Variants in CDH10 observed in about 807,000 individuals in gnomAD.
The protein encoded by CDH10 is cadherin-10.
A neutral mutation model predicts 73.1 loss-of-function variants in CDH10; 30 were observed. The ratio of observed to expected loss-of-function variants is 0.41; its 90% CI spans 0.31 to 0.56. The LOEUF is 0.56. CDH10 is among the 20% of genes least tolerant of loss of function. The pLI is 0.27. For missense variants in CDH10, 815 were observed against 973.7 expected, an observed-to-expected ratio of 0.84 and a Z score of 2.17; for synonymous variants, 345 against 348.2, an observed-to-expected ratio of 0.99 and a Z score of 0.10.
chr5:24,550,117 A>T (rs1744491563), intron 2 of CDH10, among the ~76,000 whole-genome samples: 1 of 152,214 alleles, frequency 6.6e-6, no homozygotes, highest in South Asian at 2.1e-4. Flanking sequence ...CTGAATATAC[A>T]AAACAATAAT....
At chr5:24,490,392 G>A (rs1228220705) in intron 11 of CDH10, among the ~76,000 whole-genome samples, 1 of 151,010 alleles carries the variant, frequency 6.6e-6, no homozygotes, top group Non-Finnish European at 1.5e-5. Context: ...ACAGAGAAAA[G>A]TTTTGTTCTG....
At chr5:24,585,864 T>C (rs1745976290) in intron 2 of CDH10, among the ~76,000 whole-genome samples, 1 of 152,260 alleles carries the variant, frequency 6.6e-6, no homozygotes, top group African/African-American at 2.4e-5. Flanking sequence ...AGTCCTCTCA[T>C]GATTCACAGT....
At chr5:24,503,922 A>C (rs1742589325) in intron 8 of CDH10, among the ~76,000 whole-genome samples, 1 of 152,208 alleles carries the variant, frequency 6.6e-6, no homozygotes, top group Admixed American at 6.5e-5. Context: ...CTTGTTCATA[A>C]GATTAAATGG....
At chr5:24,590,389 A>T (rs1411801966) in intron 2 of CDH10, among the ~76,000 whole-genome samples, 2 of 151,336 alleles carry the variant, frequency 1.3e-5, no homozygotes, top group African/African-American at 4.8e-5. Context: ...GTATCTATAT[A>T]TAGTATATAT....
intron 11 of CDH10, among the ~76,000 whole-genome samples, chr5:24,489,636 T>C (rs1741977393): frequency 6.6e-6 from 1 of 152,112 alleles, no homozygotes; most frequent in African/African-American, 2.4e-5. Flanking sequence ...CCCTCTTTTT[T>C]GAATGTTTTT....
At chr5:24,569,752 T>C (rs187244706) in intron 2 of CDH10, among the ~76,000 whole-genome samples, 6 of 151,872 alleles carry the variant, frequency 4.0e-5, no homozygotes, top group African/African-American at 1.5e-4. Flanking sequence ...AATCTTTATG[T>C]GAACAAATGT....
intron 2 of CDH10, among the ~76,000 whole-genome samples, chr5:24,553,205 C>G (rs563206672): frequency 7.0e-6 from 1 of 142,556 alleles, no homozygotes; most frequent in African/African-American, 2.6e-5. Flanking sequence ...ATAAGAGCCA[C>G]GGATTTATTT....
chr5:24,583,335 T>C (rs574596939), intron 2 of CDH10, among the ~76,000 whole-genome samples: 164 of 152,116 alleles, frequency 1.1e-3, no homozygotes, highest in African/African-American at 3.6e-3. Flanking sequence ...TGGAAATATA[T>C]ATATTTTTAA....
At chr5:24,595,149 A>G (rs1226807318) in intron 1 of CDH10, among the ~76,000 whole-genome samples, 5 of 151,408 alleles carry the variant, frequency 3.3e-5, no homozygotes, top group African/African-American at 1.2e-4. Flanking sequence ...GTTTCCTAAT[A>G]TGTATGGATT....
Position 24,536,369 on chromosome 5 carries a change from C to T in CDH10, c.527-547G>A, listed in dbSNP as rs112657670. 3.4e-3 allele frequency among the ~76,000 whole-genome samples: 515 copies of T among 152,064 alleles called. 3 individuals are homozygous for T. The highest frequency in any genetic ancestry group is 0.012 in the African/African-American group (496 of 41,506). On this transcript the variant is annotated intron_variant, in intron 3 of 11. Transcript: ENST00000264463. ...AAAGGACTTTATAGTGAGATGACTGCCAGAAGTTCTTGGGATTTAATGAAG... is the reference window on the plus strand; with the variant it reads ...AAAGGACTTTATAGTGAGATGACTGTCAGAAGTTCTTGGGATTTAATGAAG...
chr5:24,581,562 C>G (rs78672304), intron 2 of CDH10, among the ~76,000 whole-genome samples: 7,071 of 152,218 alleles, frequency 0.046, 274 homozygotes, highest in African/African-American at 0.095. Flanking sequence ...TGGTTGCCTT[C>G]CATGCAGTGA....
At chr5:24,564,382 G>A (rs1191007709) in intron 2 of CDH10, among the ~76,000 whole-genome samples, 2 of 152,044 alleles carry the variant, frequency 1.3e-5, no homozygotes, top group Non-Finnish European at 2.9e-5. Context: ...CTTCTTACAG[G>A]GTCTACATGG....
At chr5:24,541,329 G>T (rs558446179) in intron 2 of CDH10, among the ~76,000 whole-genome samples, 2 of 151,846 alleles carry the variant, frequency 1.3e-5, no homozygotes, top group South Asian at 4.1e-4. Flanking sequence ...TTCAACAGTT[G>T]TTCTGGTATT....
chr5:24,558,553 T>A (rs558592615), intron 2 of CDH10, among the ~76,000 whole-genome samples: 1 of 151,838 alleles, frequency 6.6e-6, no homozygotes, highest in East Asian at 1.9e-4. Context: ...GGCCATACTT[T>A]ATATAGAATA....
chr5:24,550,892 G>A (rs1007550243), intron 2 of CDH10, among the ~76,000 whole-genome samples: 2 of 151,660 alleles, frequency 1.3e-5, no homozygotes, highest in Non-Finnish European at 2.9e-5. Context: ...AACACAAATC[G>A]TCCTAAGCCA....
At chr5:24,599,669 A>T (rs1309998549) in intron 1 of CDH10, among the ~76,000 whole-genome samples, 1 of 152,146 alleles carries the variant, frequency 6.6e-6, no homozygotes, top group African/African-American at 2.4e-5. Flanking sequence ...AAAAGCAATC[A>T]AAAGTATAAA....
Position 24,594,265 on chromosome 5 carries a change from C to T in CDH10, c.-123-652G>A, listed in dbSNP as rs536253068. On this transcript the variant is annotated intron_variant, in intron 1 of 11. Coordinates refer to ENST00000264463, the MANE Select transcript of CDH10 (RefSeq NM_006727.5). ...AACCAATTTGTAATATAATTAAATC[C>T]AGCAGATAATCTGCTTCTAACTACC... 5.3e-5 allele frequency among the ~76,000 whole-genome samples: 8 copies of T among 151,950 alleles called. No individual in the cohort carries two copies. The East Asian group carries it at 1.4e-3, about 26-fold the overall frequency.
chr5:24,572,036 C>T (rs1745402512), intron 2 of CDH10, among the ~76,000 whole-genome samples: 1 of 151,496 alleles, frequency 6.6e-6, no homozygotes, highest in African/African-American at 2.4e-5. Flanking sequence ...GGTTTAAAAT[C>T]CACGTTTTTA....
intron 2 of CDH10, among the ~76,000 whole-genome samples, chr5:24,560,332 A>C (rs1744914932): frequency 6.6e-6 from 1 of 151,862 alleles, no homozygotes; most frequent in Admixed American, 6.6e-5. Context: ...TTGGGAAAGA[A>C]GCCCAACCAC....
Sources: gnomAD v4.1 joint callset for allele counts (sites outside exome capture counted in the v4.1 genomes callset) on GRCh38, gnomAD v4.1.1 for gene constraint, MANE v1.5 for transcripts, NCBI Gene and HGNC (gene_info 2026-07-23, HGNC 2026-07-21) for gene names.